The following PTPRK variants were observed in gnomAD, a reference collection of about 807,000 sequenced individuals.
PTPRK encodes receptor-type tyrosine-protein phosphatase kappa.
In PTPRK, 75 loss-of-function variants were observed where a neutral mutation model predicts 178.0. The observed-to-expected ratio is 0.42, with a 90% CI of 0.35 to 0.51. PTPRK has a LOEUF of 0.51. Ranked by LOEUF, PTPRK falls within the 20% of genes least tolerant of loss-of-function variation. The pLI is 0.02. For synonymous variants in PTPRK, 637 were observed against 620.6 expected (o/e 1.03, Z -0.39); for missense variants, 1,441 against 1,797.8 (o/e 0.80, Z 3.59).
intron 1 of PTPRK, among the ~76,000 whole-genome samples, chr6:128,434,358 A>G (rs558310702): frequency 2.5e-4 from 38 of 152,314 alleles, no homozygotes; most frequent in African/African-American, 8.9e-4. Context: ...CAGTTTCAAA[A>G]CGACTAATAA....
At chr6:128,102,573 A>G (rs1194948195) in intron 7 of PTPRK, among the ~76,000 whole-genome samples, 1 of 152,206 alleles carries the variant, frequency 6.6e-6, no homozygotes, top group Non-Finnish European at 1.5e-5. Context: ...TAGACAGGAA[A>G]GAACTTCTAT....
intron 1 of PTPRK, chr6:128,472,804 AC>A: frequency 5.2e-6 from 1 of 192,634 alleles, no homozygotes. Flanking sequence ...AGTTTGACAA[AC>A]CTGTGAACCA....
At chr6:128,106,274 AC>A (rs1170539286) in intron 7 of PTPRK, among the ~76,000 whole-genome samples, 2 of 152,006 alleles carry the variant, frequency 1.3e-5, no homozygotes, top group East Asian at 3.8e-4. Flanking sequence ...TAAAAATAAA[AC>A]CCTTGAGAGT....
intron 5 of PTPRK, among the ~76,000 whole-genome samples, chr6:128,234,617 T>C (rs1314251578): frequency 3.3e-5 from 5 of 152,222 alleles, no homozygotes; most frequent in African/African-American, 1.2e-4. Context: ...CAAAACCTAA[T>C]GTTGCTGAGA....
intron 1 of PTPRK, among the ~76,000 whole-genome samples, chr6:128,496,000 T>C (rs1854601727): frequency 6.6e-6 from 1 of 152,216 alleles, no homozygotes. Flanking sequence ...GTAAGACACA[T>C]TCTTCTAAAC....
intron 1 of PTPRK, among the ~76,000 whole-genome samples, chr6:128,423,756 A>G (rs1843761762): frequency 6.6e-6 from 1 of 152,104 alleles, no homozygotes; most frequent in Non-Finnish European, 1.5e-5. Context: ...TGAACATAGG[A>G]GGCAGAGGCT....
intron 6 of PTPRK, among the ~76,000 whole-genome samples, chr6:128,190,076 A>G (rs545678093): frequency 6.6e-6 from 1 of 152,294 alleles, no homozygotes; most frequent in East Asian, 1.9e-4. Context: ...TCATATTTAG[A>G]AGCAATTTAT....
At position 127,972,926 on chromosome 6, in the gene PTPRK, C is replaced by G. The variant is rs551626224; in HGVS notation, c.4269+96G>C. The G allele has an allele frequency of 5.3e-5, 67 of 1,267,488 alleles. 1 individual carries two copies. The South Asian group carries it at 8.6e-4, about 16-fold the overall frequency. The allele number at this position is 1,267,488 out of a possible 1,614,324, so 78.5% of individuals were successfully genotyped here. A position where few individuals can be genotyped will look rare whatever the true frequency, so the allele number is the denominator to read the frequency against. ...TCCCCACAACGTCTCATTTTCACAT[C>G]TGATTCCCTATGTGTGTATGAAGTC... On this transcript the variant is annotated intron_variant, in intron 29 of 29. Transcript: ENST00000368226.
chr6:128,055,506 A>AT (rs544994140), intron 13 of PTPRK, among the ~76,000 whole-genome samples: 7 of 151,480 alleles, frequency 4.6e-5, no homozygotes, highest in East Asian at 1.9e-4. Context: ...TCATTTATAC[A>AT]TTTTTTTTCT....
intron 12 of PTPRK, 69 bp from the exon 13 acceptor site, chr6:128,064,863 A>G: frequency 1.4e-6 from 2 of 1,466,458 alleles, no homozygotes; most frequent in Non-Finnish European, 1.8e-6. Flanking sequence ...ATAAACTATA[A>G]TTATTATGAA....
At chr6:128,294,909 A>G (rs1824028588) in intron 3 of PTPRK, among the ~76,000 whole-genome samples, 1 of 149,096 alleles carries the variant, frequency 6.7e-6, no homozygotes, top group Non-Finnish European at 1.5e-5. Context: ...AGGGCTGACC[A>G]ACTCAAAAAG....
chr6:128,271,607 C>G (rs2128297702), intron 3 of PTPRK, among the ~76,000 whole-genome samples: 1 of 152,192 alleles, frequency 6.6e-6, no homozygotes, highest in East Asian at 1.9e-4. Flanking sequence ...CTACTGGCAG[C>G]CTGGCCTAAG....
chr6:128,446,557 T>G (rs1021919846), intron 1 of PTPRK, among the ~76,000 whole-genome samples: 1 of 152,224 alleles, frequency 6.6e-6, no homozygotes, highest in Non-Finnish European at 1.5e-5. Flanking sequence ...CACTGTTACA[T>G]GTCAATTATG....
chr6:128,392,717 A>G (rs1439815718), intron 2 of PTPRK, among the ~76,000 whole-genome samples: 1 of 150,746 alleles, frequency 6.6e-6, no homozygotes, highest in Non-Finnish European at 1.5e-5. Context: ...TGAGGGACAG[A>G]AGATCGGAAT....
chr6:128,105,819 T>A (rs1789631955), intron 7 of PTPRK, among the ~76,000 whole-genome samples: 1 of 152,238 alleles, frequency 6.6e-6, no homozygotes, highest in Non-Finnish European at 1.5e-5. Context: ...ACAGCCTGCG[T>A]CATTACCATT....
chr6:128,191,699 AATC>A (rs1195464580), intron 6 of PTPRK, among the ~76,000 whole-genome samples: 3 of 151,448 alleles, frequency 2.0e-5, no homozygotes, highest in Non-Finnish European at 4.4e-5. Flanking sequence ...TTTATTTGTT[AATC>A]ATAACTTAAT....
intron 13 of PTPRK, among the ~76,000 whole-genome samples, chr6:128,017,824 A>ATATG (rs1177021595): frequency 7.3e-6 from 1 of 137,338 alleles, no homozygotes; most frequent in Non-Finnish European, 1.5e-5. Context: ...ATATATATAT[A>ATATG]TATATATATT....
chr6:128,125,454 C>T (rs1463125416), intron 7 of PTPRK, among the ~76,000 whole-genome samples: 1 of 152,044 alleles, frequency 6.6e-6, no homozygotes, highest in Non-Finnish European at 1.5e-5. Context: ...TTTCTGAGGC[C>T]TCCCCAAAAG....
chr6:127,976,537 G>T, intron 27 of PTPRK, 120 bp downstream of exon 27: 1 of 1,193,126 alleles, frequency 8.4e-7, no homozygotes, highest in East Asian at 2.5e-5. Context: ...TACTAGCTTT[G>T]AGGTGGATGA....
Sources: gnomAD v4.1 joint callset for allele counts (sites outside exome capture counted in the v4.1 genomes callset) on GRCh38, gnomAD v4.1.1 for gene constraint, MANE v1.5 for transcripts, NCBI Gene and HGNC (gene_info 2026-07-23, HGNC 2026-07-21) for gene names.